SLC39A10: variants seen among roughly 807,000 people sequenced by gnomAD.
SLC39A10 encodes solute carrier family 39 member 10.
A neutral mutation model predicts 65.1 loss-of-function variants in SLC39A10; 13 were observed. The ratio of observed to expected loss-of-function variants is 0.20; its 90% CI spans 0.13 to 0.32. SLC39A10 has a LOEUF of 0.32. Among genes scored for constraint, SLC39A10 ranks in the 10% least tolerant of loss-of-function variants. The probability of loss-of-function intolerance (pLI) is 1.00; values close to 1 mark genes in which losing one functional copy is unlikely to be tolerated. For missense variants in SLC39A10, 831 were observed against 1,018.4 expected (o/e 0.82, Z 2.50); for synonymous variants, 321 against 342.2 (o/e 0.94, Z 0.68).
chr2:195,644,866 C>T (rs899239965), intron 2 of SLC39A10, among the ~76,000 whole-genome samples: 2 of 149,260 alleles, frequency 1.3e-5, no homozygotes, highest in Non-Finnish European at 3.0e-5. Flanking sequence ...TGCCCAGTTG[C>T]CTCACCCATG....
rs1360932933 is a variant in SLC39A10 at position 195,737,209 on chromosome 2, C to T, written c.*2168C>T. ...TCCACATCATTCTAATGTATAGTTTCAAGTCTTAATAGACAATCTGAATTC... is the reference window on the plus strand; with the variant it reads ...TCCACATCATTCTAATGTATAGTTTTAAGTCTTAATAGACAATCTGAATTC... On this transcript the variant is annotated 3_prime_UTR_variant, in exon 10 of 10. Coordinates refer to ENST00000359634, the MANE Select transcript of SLC39A10 (RefSeq NM_020342.3). The T allele has an allele frequency of 1.3e-5, 2 of 152,614 alleles. No individual in the cohort carries two copies. The highest frequency in any genetic ancestry group is 4.8e-5 in the African/African-American group (2 of 41,454). The allele number at this position is 152,614 out of a possible 1,614,324, so 9.5% of individuals were successfully genotyped here.
intron 9 of SLC39A10, among the ~76,000 whole-genome samples, chr2:195,729,962 T>A (rs968429424): frequency 2.7e-3 from 7 of 2,606 alleles, no homozygotes; most frequent in African/African-American, 0.01. Flanking sequence ...CCATGCCTAA[T>A]TTTTTTTTTT....
intron 8 of SLC39A10, among the ~76,000 whole-genome samples, chr2:195,720,294 T>C (rs1237145602): frequency 6.6e-6 from 1 of 152,240 alleles, no homozygotes; most frequent in Admixed American, 6.5e-5. Context: ...TTGGTATTTA[T>C]TGGTTTACCA....
chr2:195,728,200 C>A lies in SLC39A10; in HGVS notation c.2188C>A (p.Gln730Lys), dbSNP rs1344471866. 1 of 1,613,852 alleles carries A rather than the reference C, an allele frequency of 6.2e-7. No individual in the cohort carries two copies. The highest frequency in any genetic ancestry group is 8.5e-7 in the Non-Finnish European group (1 of 1,179,802). ...TCTTAAAGCAGGCATGACTGTAAAG[C>A]AAGCAATTGTATACAACCTCCTCTC... is the stretch of plus-strand genomic sequence containing the variant. The part of the protein sequence containing the change: ...VLLKAGMTVK[Q>K]AIVYNLLSAM... Residue 730 changes from glutamine (Q) to lysine (K), a missense_variant, in exon 9 of 10, where the codon CAA becomes AAA. This residue lies in a region of SLC39A10 where 120 missense variants were observed against 203.9 expected (regional missense o/e 0.59). Transcript: ENST00000359634. The surrounding 1 kb of genome is among the most constrained non-coding windows in gnomAD (Gnocchi z 4.4).
intron 3 of SLC39A10, among the ~76,000 whole-genome samples, chr2:195,699,273 G>C (rs973445891): frequency 1.3e-5 from 2 of 151,450 alleles, no homozygotes; most frequent in Non-Finnish European, 3.0e-5. Flanking sequence ...TTGTTTTTCT[G>C]CTCTCTATTC....
intron 1 of SLC39A10, among the ~76,000 whole-genome samples, chr2:195,661,127 A>G (rs1036008497): frequency 3.3e-5 from 5 of 152,238 alleles, no homozygotes; most frequent in Admixed American, 1.3e-4. Flanking sequence ...GGCAATGAAC[A>G]GATAACATTC....
intron 2 of SLC39A10, among the ~76,000 whole-genome samples, chr2:195,622,280 G>T (rs1688364864): frequency 6.6e-6 from 1 of 152,040 alleles, no homozygotes; most frequent in Non-Finnish European, 1.5e-5. Context: ...ATGGGAGGAT[G>T]GCTTGAGCCC....
At chr2:195,683,607 T>TTAAAA in intron 2 of SLC39A10, 92 bp from the exon 3 acceptor site, 3 of 914,478 alleles carry the variant, frequency 3.3e-6, no homozygotes, top group Non-Finnish European at 5.0e-6. Context: ...TTGCAAGTAA[T>TTAAAA]ATTTAGAGTA....
At chr2:195,701,293 C>G (rs1181574374) in intron 3 of SLC39A10, among the ~76,000 whole-genome samples, 1 of 150,042 alleles carries the variant, frequency 6.7e-6, no homozygotes, top group Non-Finnish European at 1.5e-5. Flanking sequence ...GTTTTTCTAC[C>G]CCTTTATTGA....
At chr2:195,622,118 C>A (rs756678597) in intron 2 of SLC39A10, among the ~76,000 whole-genome samples, 4 of 152,144 alleles carry the variant, frequency 2.6e-5, no homozygotes, top group Non-Finnish European at 5.9e-5. Context: ...ATAATCCCAG[C>A]ATTTTGGGAG....
chr2:195,636,522 C>G (rs531374253), intron 2 of SLC39A10, among the ~76,000 whole-genome samples: 2 of 151,766 alleles, frequency 1.3e-5, no homozygotes, highest in African/African-American at 2.4e-5. Flanking sequence ...GAGGCTGAGG[C>G]GGGTGGATCA....
At chr2:195,621,902 A>G (rs762399657) in intron 2 of SLC39A10, among the ~76,000 whole-genome samples, 11 of 152,222 alleles carry the variant, frequency 7.2e-5, no homozygotes, top group Admixed American at 4.6e-4. Flanking sequence ...ACACCCTGTA[A>G]AGTAAGGCAT....
At chr2:195,666,061 A>T (rs1303726913) in intron 1 of SLC39A10, among the ~76,000 whole-genome samples, 1 of 152,080 alleles carries the variant, frequency 6.6e-6, no homozygotes, top group Non-Finnish European at 1.5e-5. Context: ...CTTTTATTTA[A>T]TATGCATATA....
chr2:195,644,834 C>A (rs1688878570), intron 2 of SLC39A10, among the ~76,000 whole-genome samples: 1 of 151,444 alleles, frequency 6.6e-6, no homozygotes, highest in Admixed American at 6.6e-5. Flanking sequence ...AAGAAAATCA[C>A]ATTTGTATTA....
chr2:195,615,403 T>C (rs1378384712), intron 2 of SLC39A10, among the ~76,000 whole-genome samples: 1 of 152,192 alleles, frequency 6.6e-6, no homozygotes, highest in African/African-American at 2.4e-5. Flanking sequence ...CTTCAGGCAA[T>C]CCTCCCACCT....
intron 8 of SLC39A10, among the ~76,000 whole-genome samples, chr2:195,725,034 T>A (rs560001114): frequency 2.0e-5 from 3 of 152,104 alleles, no homozygotes; most frequent in African/African-American, 7.2e-5. Context: ...GATGGGATAG[T>A]ATTTTCAACA....
chr2:195,613,796 A>T (rs761501420), intron 2 of SLC39A10, among the ~76,000 whole-genome samples: 1 of 152,234 alleles, frequency 6.6e-6, no homozygotes, highest in Non-Finnish European at 1.5e-5. Flanking sequence ...AGAATAATAG[A>T]TCATATAAGG....
intron 3 of SLC39A10, among the ~76,000 whole-genome samples, chr2:195,685,986 T>TG (rs1235474419): frequency 2.6e-5 from 4 of 152,360 alleles, no homozygotes; most frequent in African/African-American, 9.6e-5. Flanking sequence ...CAAAATTAGT[T>TG]GGATTTTCAT....
chr2:195,696,918 G>A (rs1370839171), intron 3 of SLC39A10, among the ~76,000 whole-genome samples: 1 of 152,096 alleles, frequency 6.6e-6, no homozygotes. Flanking sequence ...CTTGGAAAAG[G>A]GCCAAGCAGG....
Sources: allele counts gnomAD v4.1 joint callset (sites outside exome capture counted in the v4.1 genomes callset), GRCh38; gene constraint gnomAD v4.1.1; regional missense constraint gnomAD v4.1.1; non-coding constraint Gnocchi (gnomAD v3.1); transcripts MANE v1.5; gene names NCBI Gene and HGNC (gene_info 2026-07-23, HGNC 2026-07-21).